FBXO31: variants seen among roughly 807,000 people sequenced by gnomAD.
The protein encoded by FBXO31 is F-box only protein 31.
FBXO31 carries 24 observed loss-of-function variants against 54.4 expected under a neutral mutation model. That is an observed-to-expected ratio of 0.44 (90% CI 0.32 to 0.62). The LOEUF (loss-of-function observed/expected upper bound fraction) is 0.62, where lower values mean the gene tolerates loss of function less well. Ranked by LOEUF, FBXO31 falls within the 20% of genes least tolerant of loss-of-function variation. The probability of loss-of-function intolerance (pLI) is 0.05; values close to 1 mark genes in which losing one functional copy is unlikely to be tolerated. For missense variants in FBXO31, 665 were observed against 787.1 expected (o/e 0.84, Z 1.86); for synonymous variants, 388 against 335.6 (o/e 1.16, Z -1.71).
chr16:87,371,970 T>A (rs1406178140), intron 1 of FBXO31, among the ~76,000 whole-genome samples: 2 of 152,058 alleles, frequency 1.3e-5, no homozygotes, highest in African/African-American at 4.8e-5. Flanking sequence ...ATGTATGTAA[T>A]CCCAGCACTT....
chr16:87,370,686 A>G (rs575701060), intron 1 of FBXO31, among the ~76,000 whole-genome samples: 14 of 152,282 alleles, frequency 9.2e-5, no homozygotes, highest in African/African-American at 3.4e-4. Flanking sequence ...CCCCTGGGAC[A>G]CTGCTGGGTC....
At chr16:87,375,844 C>G (rs573329172) in intron 1 of FBXO31, among the ~76,000 whole-genome samples, 2 of 152,272 alleles carry the variant, frequency 1.3e-5, no homozygotes, top group Admixed American at 1.3e-4. Flanking sequence ...GTGGGAACTC[C>G]CTTCACCTGC....
intron 1 of FBXO31, among the ~76,000 whole-genome samples, chr16:87,382,906 G>A (rs547829038): frequency 6.8e-4 from 104 of 152,310 alleles, no homozygotes; most frequent in African/African-American, 2.3e-3. Context: ...TAAGTGCTGA[G>A]ATTACAGGCG....
At position 87,345,866 on chromosome 16, in the gene FBXO31, G is replaced by A. The variant is rs561999906; in HGVS notation, c.489+1308C>T. 3.7e-4 allele frequency among the ~76,000 whole-genome samples: 56 copies of A among 152,136 alleles called. No homozygotes were observed. Among genetic ancestry groups the A allele is most frequent in the African/African-American group, 1.2e-3 (49 of 41,508 alleles). ...ACCTGCAGGCTGGAGAGGCACACACGGAGACCAGGTCTACACAGGAGCCAG... is the reference window on the plus strand; with the variant it reads ...ACCTGCAGGCTGGAGAGGCACACACAGAGACCAGGTCTACACAGGAGCCAG... On this transcript the variant is annotated intron_variant, in intron 3 of 8. Coordinates refer to ENST00000311635, the MANE Select transcript of FBXO31 (RefSeq NM_024735.5). This position sits in a 1 kb window ranked among gnomAD's most constrained non-coding sequence, Gnocchi z 4.9.
Position 87,339,339 on chromosome 16 carries a change from G to A in FBXO31, c.733-3075C>T, listed in dbSNP as rs1337343740. Among the ~76,000 whole-genome samples the A allele has an allele frequency of 2.6e-5, 4 of 152,180 alleles. No homozygotes were observed. In the East Asian group the frequency reaches 7.7e-4, roughly 29 times the overall value. ...TACCTGCTCTCTGGCCTTTAGTGGAGAGGAGCTCCCAGCTGATGCATGAAT... is the reference window on the plus strand; with the variant it reads ...TACCTGCTCTCTGGCCTTTAGTGGAAAGGAGCTCCCAGCTGATGCATGAAT... On this transcript the variant is annotated intron_variant, in intron 5 of 8. Transcript: ENST00000311635.
intron 1 of FBXO31, among the ~76,000 whole-genome samples, chr16:87,377,173 G>A (rs1011554800): frequency 3.3e-5 from 5 of 152,216 alleles, no homozygotes; most frequent in Non-Finnish European, 5.9e-5. Flanking sequence ...GGCTGGGGAC[G>A]GTGGCTCACG....
intron 8 of FBXO31, 68 bp from the exon 9 acceptor site, chr16:87,331,578 A>G (rs1904861528): frequency 7.6e-7 from 1 of 1,311,740 alleles, no homozygotes; most frequent in Non-Finnish European, 1.1e-6. Flanking sequence ...CACGTACAGC[A>G]TTCTGCGACC....
At chr16:87,331,653 C>G (rs1904864676) in intron 8 of FBXO31, 143 bp from the exon 9 acceptor site, 1 of 735,250 alleles carries the variant, frequency 1.4e-6, no homozygotes, top group Non-Finnish European at 2.2e-6. Flanking sequence ...CAGAGCCAGC[C>G]TGTCTCTGCA....
chr16:87,374,168 G>A (rs1906722165), intron 1 of FBXO31, among the ~76,000 whole-genome samples: 1 of 151,956 alleles, frequency 6.6e-6, no homozygotes, highest in South Asian at 2.1e-4. Flanking sequence ...CTCGAGCCTA[G>A]GAGGTCAAAG....
chr16:87,371,584 G>A (rs556565914), intron 1 of FBXO31, among the ~76,000 whole-genome samples: 5 of 152,404 alleles, frequency 3.3e-5, no homozygotes, highest in African/African-American at 1.2e-4. Flanking sequence ...CGGCGTTCCT[G>A]TCAAAGGACG....
intron 2 of FBXO31, among the ~76,000 whole-genome samples, chr16:87,359,524 T>C (rs1404352482): frequency 6.6e-6 from 1 of 152,242 alleles, no homozygotes; most frequent in Non-Finnish European, 1.5e-5. Flanking sequence ...TTCATGTCAC[T>C]TTGAGATGAT....
chr16:87,369,913 G>A (rs1468656772), intron 1 of FBXO31, among the ~76,000 whole-genome samples: 1 of 152,074 alleles, frequency 6.6e-6, no homozygotes, highest in Admixed American at 6.5e-5. Context: ...TTTGCCAAGA[G>A]GAACAAAACA....
chr16:87,356,161 A>G (rs1905881552), intron 2 of FBXO31, among the ~76,000 whole-genome samples: 1 of 151,240 alleles, frequency 6.6e-6, no homozygotes, highest in African/African-American at 2.4e-5. Context: ...CCCGGGAGGC[A>G]GAGGCTGTAG....
chr16:87,381,920 G>C (rs1000581474), intron 1 of FBXO31, among the ~76,000 whole-genome samples: 3 of 152,036 alleles, frequency 2.0e-5, no homozygotes, highest in Non-Finnish European at 4.4e-5. Context: ...GCTACTTGGA[G>C]GCTGATGCGG....
At chr16:87,373,467 A>G (rs897250989) in intron 1 of FBXO31, among the ~76,000 whole-genome samples, 2 of 151,992 alleles carry the variant, frequency 1.3e-5, no homozygotes, top group Non-Finnish European at 2.9e-5. Context: ...AAATAATTAT[A>G]TATATACATA....
At chr16:87,380,296 CAAA>C (rs71156230) in intron 1 of FBXO31, among the ~76,000 whole-genome samples, 44 of 97,788 alleles carry the variant, frequency 4.5e-4, no homozygotes, top group African/African-American at 1.7e-3. Context: ...GACTCCGTCT[CAAA>C]AAAAAAAAAA....
At chr16:87,334,888 C>G (rs1904994805) in intron 7 of FBXO31, among the ~76,000 whole-genome samples, 2 of 152,152 alleles carry the variant, frequency 1.3e-5, no homozygotes, top group African/African-American at 4.8e-5. Flanking sequence ...AGAGGAGCTG[C>G]TGAAGCTCAG....
At chr16:87,378,425 A>C (rs1435422221) in intron 1 of FBXO31, among the ~76,000 whole-genome samples, 1 of 152,244 alleles carries the variant, frequency 6.6e-6, no homozygotes, top group African/African-American at 2.4e-5. Flanking sequence ...AAAATTAGAG[A>C]GAACTTAGCG....
Position 87,343,623 on chromosome 16 carries a change from T to C in FBXO31, c.632A>G (p.Lys211Arg). 1 of 1,612,280 alleles carries C rather than the reference T, an allele frequency of 6.2e-7. No homozygotes were observed. Among genetic ancestry groups the C allele is most frequent in the Non-Finnish European group, 8.5e-7 (1 of 1,179,248 alleles). The change falls in exon 4 of 9, where the codon AAA becomes AGA. Residue 211 changes from lysine (K) to arginine (R), a missense_variant. By Grantham distance (26) the Lys-to-Arg change is conservative. Transcript: ENST00000311635. The part of the protein sequence containing the change: ...AATVECMYGH[K>R]GPHHGHIQIV... ...CTGGATGTGGCCGTGGTGGGGCCCTTTGTGGCCGTACATGCACTCCACTGT... is the reference window on the plus strand; with the variant it reads ...CTGGATGTGGCCGTGGTGGGGCCCTCTGTGGCCGTACATGCACTCCACTGT...
Sources: gnomAD v4.1 joint callset for allele counts (sites outside exome capture counted in the v4.1 genomes callset) on GRCh38, gnomAD v4.1.1 for gene constraint, Gnocchi (gnomAD v3.1) non-coding constraint, MANE v1.5 for transcripts, NCBI Gene and HGNC (gene_info 2026-07-23, HGNC 2026-07-21) for gene names.